The following ACSS1 variants were observed in gnomAD, a reference collection of about 807,000 sequenced individuals.
ACSS1 encodes acetyl-coenzyme A synthetase 2-like, mitochondrial.
Under a neutral mutation model 75.3 loss-of-function variants are expected in ACSS1, and 42 were observed. That is an observed-to-expected ratio of 0.56 (90% CI 0.44 to 0.72). ACSS1 has a LOEUF of 0.72. ACSS1 is among the 30% of genes least tolerant of loss of function. The probability of loss-of-function intolerance (pLI) is 0.00; values close to 1 mark genes in which losing one functional copy is unlikely to be tolerated. For synonymous variants in ACSS1, 380 were observed against 376.8 expected (o/e 1.01, Z -0.10); for missense variants, 782 against 935.7 (o/e 0.84, Z 2.14).
chr20:25,021,921 C>A (rs1000717478), intron 5 of ACSS1, among the ~76,000 whole-genome samples: 3 of 152,156 alleles, frequency 2.0e-5, no homozygotes, highest in African/African-American at 7.2e-5. Flanking sequence ...ATCTAACTGC[C>A]CACGTGCAGG....
intron 6 of ACSS1, among the ~76,000 whole-genome samples, chr20:25,021,044 C>A (rs2088614814): frequency 6.6e-6 from 1 of 152,346 alleles, no homozygotes; most frequent in East Asian, 1.9e-4. Flanking sequence ...GGGCAGCTGG[C>A]CCTGGCTTTG....
rs1377703998 is a variant in ACSS1 at position 25,020,101 on chromosome 20, A to C, written c.1155T>G (p.Tyr385Ter). 5.6e-6 allele frequency: 9 copies of C among 1,614,254 alleles called. No homozygotes were observed. The highest frequency in any genetic ancestry group is 7.6e-6 in the Non-Finnish European group (9 of 1,180,040). The change falls in exon 7 of 14, where the codon TAT becomes TAG. Residue 385 changes from tyrosine to a stop codon, truncating the protein, a stop_gained. Transcript: ENST00000323482. LOFTEE classifies it high-confidence loss of function. ...ACAGCCGGACAGCCGTTGGGGCGCC[A>C]TAGAACTGATTGATCTTCAACCTCT... ...TVERLKINQFYGAPTAVRLLL... is the reference protein window; with the variant it reads ...TVERLKINQF
chr20:25,015,696 G>A (rs2088505103), intron 7 of ACSS1, among the ~76,000 whole-genome samples: 1 of 152,182 alleles, frequency 6.6e-6, no homozygotes, highest in African/African-American at 2.4e-5. Flanking sequence ...CGTATTTATG[G>A]TCATCAAAGA....
At position 25,030,837 on chromosome 20, in the gene ACSS1, A is replaced by C. The variant is rs1367777959; in HGVS notation, c.553T>G (p.Cys185Gly). 1 of 1,614,144 alleles carries C rather than the reference A, an allele frequency of 6.2e-7. No homozygotes were observed. Among genetic ancestry groups the C allele is most frequent in the African/African-American group, 1.3e-5 (1 of 74,948 alleles). ...GTGTGGACAGCTCCGATCCTGGCAC[A>C]GGCCAGCATTGCTGCCACAGCCAAT... Reference protein sequence around the residue: ...SPLAVAAMLACARIGAVHTVI... With the variant: ...SPLAVAAMLAGARIGAVHTVI... The change falls in exon 3 of 14, where the codon TGT becomes GGT. Residue 185 changes from cysteine to glycine, a missense_variant. Transcript: ENST00000323482.
Position 25,006,493 on chromosome 20 carries a change from A to C in ACSS1, c.*1269T>G, listed in dbSNP as rs955131781. 4.3e-6 allele frequency: 1 copy of C among 235,044 alleles called. No individual in the cohort carries two copies. Among genetic ancestry groups the C allele is most frequent in the African/African-American group, 2.2e-5 (1 of 44,756 alleles). 14.6% of individuals were successfully genotyped at this position (235,044 alleles called of 1,614,324 possible). On this transcript the variant is annotated 3_prime_UTR_variant, in exon 14 of 14. Transcript: ENST00000323482. The stretch of plus-strand genomic sequence containing the variant: ...CACAGGTTCACTCACCCAAGAGGCC[A>C]GCACAACCACGACCGAGTGGGTACT...
At chr20:25,022,906 C>T in intron 5 of ACSS1, 34 bp downstream of exon 5, 2 of 1,566,024 alleles carry the variant, frequency 1.3e-6, no homozygotes, top group Non-Finnish European at 1.7e-6. Context: ...TGGATCCCTG[C>T]CAAGGGCCCA....
intron 8 of ACSS1, among the ~76,000 whole-genome samples, chr20:25,014,687 A>G (rs2088484517): frequency 6.6e-6 from 1 of 152,328 alleles, no homozygotes; most frequent in South Asian, 2.1e-4. Context: ...ACAAAATGTC[A>G]CAGGAAAAAT....
intron 3 of ACSS1, among the ~76,000 whole-genome samples, chr20:25,025,789 G>A (rs2088704762): frequency 6.6e-6 from 1 of 152,166 alleles, no homozygotes; most frequent in African/African-American, 2.4e-5. Context: ...GCAACGGCGG[G>A]TAAAGTTGCT....
chr20:25,039,324 C>T (rs2088965054), intron 2 of ACSS1, among the ~76,000 whole-genome samples: 1 of 152,228 alleles, frequency 6.6e-6, no homozygotes, highest in Non-Finnish European at 1.5e-5. Flanking sequence ...CAGAACCACT[C>T]CTATTGCAAA....
chr20:25,031,050 C>A, intron 2 of ACSS1, 92 bp from the exon 3 acceptor site: 2 of 1,256,006 alleles, frequency 1.6e-6, no homozygotes, highest in South Asian at 1.3e-5. Context: ...AATTTTATGT[C>A]ATATACATCC....
chr20:25,031,070 C>T (rs1344830160), intron 2 of ACSS1, 112 bp from the exon 3 acceptor site: 2 of 1,094,940 alleles, frequency 1.8e-6, no homozygotes, highest in Non-Finnish European at 2.7e-6. Context: ...CAGCCCAGTG[C>T]CAGGAAAACA....
chr20:25,015,813 T>A (rs998678815), intron 7 of ACSS1, among the ~76,000 whole-genome samples: 21 of 152,212 alleles, frequency 1.4e-4, no homozygotes, highest in African/African-American at 4.6e-4. Flanking sequence ...GAGGATAGTT[T>A]GGTTCAGCAA....
intron 1 of ACSS1, 124 bp from the exon 2 acceptor site, chr20:25,048,305 C>G: frequency 1.4e-6 from 1 of 718,152 alleles, no homozygotes; most frequent in Non-Finnish European, 2.3e-6. Flanking sequence ...GACAGAGACC[C>G]TGTCCTCATC....
intron 12 of ACSS1, chr20:25,011,183 G>C (rs1325454051): frequency 6.6e-6 from 1 of 152,344 alleles, no homozygotes; most frequent in Non-Finnish European, 1.5e-5. Flanking sequence ...AGCAGACCAT[G>C]CCCCAACACC....
chr20:25,032,512 C>A, intron 2 of ACSS1: 1 of 1,267,512 alleles, frequency 7.9e-7, no homozygotes, highest in Non-Finnish European at 1.0e-6. Context: ...TAATTATTTG[C>A]AATAAAAAGA....
At chr20:25,014,745 A>G (rs1329090696) in intron 8 of ACSS1, among the ~76,000 whole-genome samples, 3 of 152,224 alleles carry the variant, frequency 2.0e-5, no homozygotes, top group Non-Finnish European at 4.4e-5. Flanking sequence ...CCCTTAGAAG[A>G]TGGGGCCTGT....
At chr20:25,013,254 A>T (rs1430162701) in intron 10 of ACSS1, among the ~76,000 whole-genome samples, 1 of 152,220 alleles carries the variant, frequency 6.6e-6, no homozygotes, top group Non-Finnish European at 1.5e-5. Flanking sequence ...CGTAGCTAAC[A>T]GGATCCTACC....
intron 2 of ACSS1, among the ~76,000 whole-genome samples, chr20:25,031,454 T>C (rs2088823041): frequency 6.6e-6 from 1 of 152,226 alleles, no homozygotes. Flanking sequence ...CATGCTTTGA[T>C]GTACTTATGC....
At chr20:25,045,813 C>G (rs1290201119) in intron 2 of ACSS1, 1 of 152,258 alleles carries the variant, frequency 6.6e-6, no homozygotes, top group Non-Finnish European at 1.5e-5. Flanking sequence ...CCCTCAAATA[C>G]TAGCTGCAAT....
Sources: allele counts gnomAD v4.1 joint callset (sites outside exome capture counted in the v4.1 genomes callset), GRCh38; gene constraint gnomAD v4.1.1; transcripts MANE v1.5; gene names NCBI Gene and HGNC (gene_info 2026-07-23, HGNC 2026-07-21).